Variants in AGRN observed in about 807,000 individuals in gnomAD.
AGRN encodes agrin, also known as agrin proteoglycan.
In AGRN, 106 loss-of-function variants were observed where a neutral mutation model predicts 211.0. The ratio of observed to expected loss-of-function variants is 0.50; its 90% CI spans 0.43 to 0.59. The LOEUF (loss-of-function observed/expected upper bound fraction) is 0.59, where lower values mean the gene tolerates loss of function less well. Ranked by LOEUF, AGRN falls within the 20% of genes least tolerant of loss-of-function variation. AGRN has a pLI of 0.00. For synonymous variants in AGRN, 1,525 were observed against 1,332.5 expected (o/e 1.14, Z -3.15); for missense variants, 3,040 against 2,982.6 (o/e 1.02, Z -0.45).
At chr1:1,044,543 G>C in intron 12 of AGRN, 104 bp downstream of exon 12, 1 of 1,189,432 alleles carries the variant, frequency 8.4e-7, no homozygotes, top group Non-Finnish European at 1.2e-6. Context: ...CCCTGTGGAC[G>C]TGTGTATTGT....
chr1:1,048,765 CTCAA>C lies in AGRN; in HGVS notation c.4106-101_4106-98del. 8.6e-7 allele frequency: 1 copy of C among 1,156,946 alleles called. No individual in the cohort carries two copies. The highest frequency in any genetic ancestry group is 2.2e-5 in the African/African-American group (1 of 44,882). The allele number at this position is 1,156,946 out of a possible 1,614,324, so 71.7% of individuals were successfully genotyped here. A position where few individuals can be genotyped will look rare whatever the true frequency, so the allele number is the denominator to read the frequency against. On this transcript the variant is annotated intron_variant, in intron 23 of 35. Coordinates refer to ENST00000379370, the MANE Select transcript of AGRN (RefSeq NM_198576.4). The surrounding 1 kb of genome is among the most constrained non-coding windows in gnomAD (Gnocchi z 5.9). Reference sequence around the variant, plus strand: ...CGGGGCAAAAAGAGCAAAACTCCGTCTCAAAAAAAAAAAAAAAAAAAAAAGCAGG... The same window carrying C: ...CGGGGCAAAAAGAGCAAAACTCCGTCAAAAAAAAAAAAAAAAAAAAGCAGG...
intron 2 of AGRN, among the ~76,000 whole-genome samples, chr1:1,027,133 CT>C (rs1301436423): frequency 1.3e-5 from 2 of 152,248 alleles, no homozygotes; most frequent in African/African-American, 4.8e-5. Flanking sequence ...TCCCAGCCCC[CT>C]CCTCCTGCAG....
In AGRN at chr1:1,031,850, C is replaced by G. The variant is rs970363555; in HGVS notation, c.464-3427C>G. 1.3e-5 allele frequency among the ~76,000 whole-genome samples: 2 copies of G among 152,214 alleles called. No individual in the cohort carries two copies. The highest frequency in any genetic ancestry group is 2.9e-5 in the Non-Finnish European group (2 of 68,032). ...GGCGGGCTGGCGCGTGACCTGGTAG[C>G]ACGGCCTGGGTTTGACCCTGGCACT... On this transcript the variant is annotated intron_variant, in intron 2 of 35. Transcript: ENST00000379370. This position sits in a 1 kb window ranked among gnomAD's most constrained non-coding sequence, Gnocchi z 4.8.
chr1:1,047,965 T>G (rs1211713915), intron 22 of AGRN, 47 bp from the exon 23 acceptor site: 2 of 1,573,074 alleles, frequency 1.3e-6, no homozygotes, highest in East Asian at 4.7e-5. Context: ...CCTCACCCCT[T>G]CCTGGCCCTG....
At chr1:1,022,855 C>T (rs1644439631) in intron 2 of AGRN, among the ~76,000 whole-genome samples, 1 of 152,272 alleles carries the variant, frequency 6.6e-6, no homozygotes, top group Admixed American at 6.5e-5. Context: ...GTGTCGAGCA[C>T]TCCTCGCCGT....
Position 1,048,840 on chromosome 1 carries a change from G to T in AGRN, c.4106-27G>T. ...GTGGGGAATCCTCGGAGCTTTTCCA[G>T]CCGGCCCTCCCGGTCGCCCTTTGCA... On this transcript the variant is annotated intron_variant, in intron 23 of 35. Transcript: ENST00000379370. The surrounding 1 kb of genome is among the most constrained non-coding windows in gnomAD (Gnocchi z 5.9). 1.3e-6 allele frequency: 2 copies of T among 1,518,434 alleles called. No individual in the cohort carries two copies. Among genetic ancestry groups the T allele is most frequent in the Middle Eastern group, 2.0e-4 (1 of 5,040 alleles). 94.1% of individuals were successfully genotyped at this position (1,518,434 alleles called of 1,614,324 possible). A position where few individuals can be genotyped will look rare whatever the true frequency, so the allele number is the denominator to read the frequency against.
At chr1:1,040,604 G>A in intron 3 of AGRN, 61 bp from the exon 4 acceptor site, 11 of 1,535,654 alleles carry the variant, frequency 7.2e-6, no homozygotes, top group Non-Finnish European at 9.7e-6. Flanking sequence ...AGGTCTCTCA[G>A]GCTTGTGGAC....
chr1:1,051,762 C>A lies in AGRN; in HGVS notation c.5598C>A (p.Thr1866=). 1 of 1,613,894 alleles carries A rather than the reference C, an allele frequency of 6.2e-7. No individual in the cohort carries two copies. Among genetic ancestry groups the A allele is most frequent in the Non-Finnish European group, 8.5e-7 (1 of 1,179,976 alleles). Residue 1866 remains threonine, a synonymous_variant, in exon 33 of 36, where the codon ACC becomes ACA. Coordinates refer to ENST00000379370, the MANE Select transcript of AGRN (RefSeq NM_198576.4). ...AGAAGTCAGCGGGGGACGTGGATAC[C>A]TTGGCCTTTGACGGGCGGACCTTTG... ...LVEKSAGDVD[T]LAFDGRTFVE... is the part of the protein sequence containing the mutation.
intron 19 of AGRN, 157 bp downstream of exon 19, chr1:1,047,114 C>T: frequency 7.2e-7 from 1 of 1,393,704 alleles, no homozygotes; most frequent in Non-Finnish European, 9.6e-7. Flanking sequence ...CCTAACCCGT[C>T]TCTCTCGTTG....
In AGRN at chr1:1,047,818, G is replaced by C. The variant is rs1486462433; in HGVS notation, c.3674G>C (p.Arg1225Pro). The C allele has an allele frequency of 6.2e-7, 1 of 1,602,964 alleles. No homozygotes were observed. The highest frequency in any genetic ancestry group is 8.5e-7 in the Non-Finnish European group (1 of 1,175,444). Residue 1225 changes from arginine (R) to proline (P), a missense_variant, in exon 22 of 36, where the codon CGG (arginine) becomes CCG (proline). Arg to Pro is a moderately radical substitution (Grantham distance 103). This residue lies in a region of AGRN where 1,537 missense variants were observed against 1,505.0 expected (regional missense o/e 1.02). Coordinates refer to ENST00000379370, the MANE Select transcript of AGRN (RefSeq NM_198576.4). Reference sequence around the variant, plus strand: ...CCCGACGTGGCCCGGGCCCTGCTCCGGCAGATCCAGGTGTCCAGGCGCCGG... The same window carrying C: ...CCCGACGTGGCCCGGGCCCTGCTCCCGCAGATCCAGGTGTCCAGGCGCCGG... ...RAPDVARALL[R>P]QIQVSRRRSL...
intron 2 of AGRN, chr1:1,034,850 TG>T: frequency 2.3e-6 from 1 of 425,952 alleles, no homozygotes; most frequent in Non-Finnish European, 3.5e-6. Context: ...CCTCGGTCCC[TG>T]GAGGCCGTCC....
chr1:1,045,922 G>A (rs1557709447), intron 15 of AGRN, 42 bp from the exon 16 acceptor site: 6 of 1,611,162 alleles, frequency 3.7e-6, no homozygotes, highest in African/African-American at 1.3e-5. Context: ...GGGTGGGGTG[G>A]GGTCACCCGA....
Position 1,047,424 on chromosome 1 carries a change from C to G in AGRN, c.3486C>G (p.Phe1162Leu), listed in dbSNP as rs752179442. 3.7e-6 allele frequency: 6 copies of G among 1,612,666 alleles called. No individual in the cohort carries two copies. In the South Asian group the frequency reaches 5.5e-5, roughly 15 times the overall value. The stretch of plus-strand genomic sequence containing the variant: ...TGGCTGACCCCAAGTCAGAACTGTT[C>G]GGGGAGACAGCCAGGAGCATTGAGA... Reference protein sequence around the residue: ...PEMADPKSELFGETARSIEST... With the variant: ...PEMADPKSELLGETARSIEST... The change falls in exon 20 of 36, where the codon TTC becomes TTG. Residue 1162 changes from phenylalanine to leucine, a missense_variant. Coordinates refer to ENST00000379370, the MANE Select transcript of AGRN (RefSeq NM_198576.4).
At chr1:1,052,412 TGTG>T (rs1645323748) in intron 33 of AGRN, 1 of 307,752 alleles carries the variant, frequency 3.2e-6, no homozygotes, top group Non-Finnish European at 6.4e-6. Flanking sequence ...TGTGTGTATA[TGTG>T]GGGGGGACAT....
intron 2 of AGRN, among the ~76,000 whole-genome samples, chr1:1,022,897 C>T (rs1024965408): frequency 3.3e-5 from 5 of 152,204 alleles, no homozygotes; most frequent in Non-Finnish European, 7.3e-5. Flanking sequence ...GGCTGTGCGG[C>T]GAGGGCTTCT....
chr1:1,051,196 C>A, intron 30 of AGRN, 57 bp from the exon 31 acceptor site: 1 of 1,547,384 alleles, frequency 6.5e-7, no homozygotes, highest in South Asian at 1.2e-5. Flanking sequence ...GGTGCCTGGG[C>A]CCTGGGTCTG....
In AGRN at chr1:1,046,478, C is replaced by T. The variant is rs200807722; in HGVS notation, c.2993C>T (p.Pro998Leu). ...TPGLLLSQAL[P>L]APPGALPLAP... ...GGGCTCCTCCTGAGCCAGGCACTGC[C>T]GGCCCCCCCCGGCGCCCTCCCCCTG... Residue 998 changes from proline (P) to leucine (L), a missense_variant, in exon 18 of 36, where the codon CCG becomes CTG. By Grantham distance (98) the Pro-to-Leu change is moderately conservative. Around this residue, in one of 3 missense-constraint regions of AGRN, gnomAD observed 1,537 missense variants for 1,505.0 expected, o/e 1.02. Transcript: ENST00000379370. 4.6e-4 allele frequency: 744 copies of T among 1,611,108 alleles called. 7 individuals are homozygous for T. The South Asian group carries it at 5.9e-3, about 13-fold the overall frequency.
At position 1,046,239 on chromosome 1, in the gene AGRN, C is replaced by CT. The variant is rs772867903; in HGVS notation, c.2886dup (p.Ile963TyrfsTer97). On this transcript the variant is annotated frameshift_variant, in exon 17 of 36. Coordinates refer to ENST00000379370, the MANE Select transcript of AGRN (RefSeq NM_198576.4). LOFTEE classifies it high-confidence loss of function. ...GCCTGCCGCCAGGGCCTGCAAATCT[C>CT]TATCCAGAGCCTGGGCCCGTGCCAG... 1 of 1,613,610 alleles carries CT rather than the reference C, an allele frequency of 6.2e-7. No homozygotes were observed. The highest frequency in any genetic ancestry group is 1.7e-5 in the Admixed American group (1 of 60,036).
Position 1,044,104 on chromosome 1 carries a change from C to A in AGRN, c.2000-5C>A. 6.2e-7 allele frequency: 1 copy of A among 1,613,224 alleles called. No homozygotes were observed. Among genetic ancestry groups the A allele is most frequent in the Non-Finnish European group, 8.5e-7 (1 of 1,179,924 alleles). On this transcript the variant is annotated splice_polypyrimidine_tract_variant and splice_region_variant and intron_variant, in intron 10 of 35. Coordinates refer to ENST00000379370, the MANE Select transcript of AGRN (RefSeq NM_198576.4). ...CCTGGGTGACTCTGCTCCCCTTCCC[C>A]GCAGCCGAGTGCGGTTCCGGAGGCT...
Sources: gnomAD v4.1 joint callset for allele counts (sites outside exome capture counted in the v4.1 genomes callset) on GRCh38, gnomAD v4.1.1 for gene constraint, gnomAD v4.1.1 regional missense constraint, Gnocchi (gnomAD v3.1) non-coding constraint, MANE v1.5 for transcripts, NCBI Gene and HGNC (gene_info 2026-07-23, HGNC 2026-07-21) for gene names.